Variants in SSBP2 observed in about 807,000 individuals in gnomAD.
SSBP2 encodes the protein single-stranded DNA-binding protein 2.
Under a neutral mutation model 61.8 loss-of-function variants are expected in SSBP2, and 17 were observed. That is an observed-to-expected ratio of 0.28 (90% CI 0.19 to 0.41). The LOEUF (loss-of-function observed/expected upper bound fraction) is 0.41, where lower values mean the gene tolerates loss of function less well. Among genes scored for constraint, SSBP2 ranks in the 10% least tolerant of loss-of-function variants. The probability of loss-of-function intolerance (pLI) is 1.00; values close to 1 mark genes in which losing one functional copy is unlikely to be tolerated. For synonymous variants in SSBP2, 139 were observed against 141.3 expected (o/e 0.98, Z 0.12); for missense variants, 310 against 458.7 (o/e 0.68, Z 2.96).
intron 1 of SSBP2, among the ~76,000 whole-genome samples, chr5:81,665,777 T>G (rs1394456265): frequency 2.0e-5 from 3 of 152,208 alleles, no homozygotes; most frequent in Non-Finnish European, 2.9e-5. Flanking sequence ...AGTGCTGGGA[T>G]TACAGGCGTG....
intron 4 of SSBP2, among the ~76,000 whole-genome samples, chr5:81,541,490 C>CAGAG (rs1417697382): frequency 2.0e-5 from 3 of 151,812 alleles, no homozygotes; most frequent in African/African-American, 7.3e-5. Flanking sequence ...AAAACAAAGC[C>CAGAG]AGAGACATCA....
chr5:81,525,967 T>C (rs1303066716), intron 4 of SSBP2, among the ~76,000 whole-genome samples: 4 of 152,036 alleles, frequency 2.6e-5, no homozygotes, highest in African/African-American at 9.7e-5. Context: ...TTTGCATCAA[T>C]AGCATGAATC....
At chr5:81,676,632 G>A (rs1752007427) in intron 1 of SSBP2, among the ~76,000 whole-genome samples, 1 of 152,112 alleles carries the variant, frequency 6.6e-6, no homozygotes, top group Non-Finnish European at 1.5e-5. Flanking sequence ...CCTCCTTGAA[G>A]AGCCTAATCC....
chr5:81,697,000 T>G, intron 1 of SSBP2, among the ~76,000 whole-genome samples: 1 of 152,190 alleles, frequency 6.6e-6, no homozygotes, highest in Non-Finnish European at 1.5e-5. Flanking sequence ...CACACGTACC[T>G]GTCATCAGTT....
chr5:81,445,138 T>TTATATATATATATACATA (rs1763302678), intron 12 of SSBP2, among the ~76,000 whole-genome samples: 1 of 33,896 alleles, frequency 3.0e-5, no homozygotes, highest in Non-Finnish European at 5.3e-5. Context: ...AAAAAAAATT[T>TTATATATATATATACATA]TATATATATA....
intron 16 of SSBP2, among the ~76,000 whole-genome samples, chr5:81,423,563 T>G (rs1236015451): frequency 6.6e-6 from 1 of 151,962 alleles, no homozygotes; most frequent in Admixed American, 6.6e-5. Context: ...GCCAAGATGG[T>G]GAAACTCTGT....
chr5:81,725,112 T>C (rs554086562), intron 1 of SSBP2, among the ~76,000 whole-genome samples: 2 of 151,942 alleles, frequency 1.3e-5, no homozygotes, highest in South Asian at 2.1e-4. Flanking sequence ...ATAAAGACAA[T>C]GAAAGATAAA....
intron 4 of SSBP2, among the ~76,000 whole-genome samples, chr5:81,597,307 G>A (rs1355222852): frequency 1.3e-5 from 2 of 152,148 alleles, no homozygotes. Flanking sequence ...AAACCACAAT[G>A]AGATACCATC....
At chr5:81,513,848 C>A in intron 4 of SSBP2, 131 bp from the exon 5 acceptor site, 1 of 570,174 alleles carries the variant, frequency 1.8e-6, no homozygotes, top group Non-Finnish European at 3.1e-6. Context: ...TTTTCCCCAT[C>A]CTAGAAGTAA....
At position 81,674,299 on chromosome 5, in the gene SSBP2, C is replaced by T. The variant is rs553746700; in HGVS notation, c.63-23960G>A. Among the ~76,000 whole-genome samples, 3 of 152,270 alleles carry T rather than the reference C, an allele frequency of 2.0e-5. No homozygotes were observed. In the East Asian group the frequency reaches 5.8e-4, roughly 29 times the overall value. On this transcript the variant is annotated intron_variant, in intron 1 of 16. Coordinates refer to ENST00000320672, the MANE Select transcript of SSBP2 (RefSeq NM_012446.5). ...AAACCTAAGGCAACTGCTAGCACAA[C>T]CGCTACCACTCTCACCACATACCCC... is the stretch of plus-strand genomic sequence containing the variant.
chr5:81,709,985 T>G (rs1221797371), intron 1 of SSBP2, among the ~76,000 whole-genome samples: 1 of 152,062 alleles, frequency 6.6e-6, no homozygotes, highest in African/African-American at 2.4e-5. Flanking sequence ...AATATCTGAA[T>G]TTTTATACTT....
intron 4 of SSBP2, among the ~76,000 whole-genome samples, chr5:81,532,145 C>T (rs766786950): frequency 6.6e-6 from 1 of 151,860 alleles, no homozygotes. Flanking sequence ...GAAATGTACA[C>T]CTAAAAGGAA....
chr5:81,579,641 C>G (rs1462418313), intron 4 of SSBP2, among the ~76,000 whole-genome samples: 2 of 152,084 alleles, frequency 1.3e-5, no homozygotes, highest in African/African-American at 4.8e-5. Flanking sequence ...GTGAAAGCTA[C>G]GGTTTCTACT....
chr5:81,486,585 C>T (rs944566723), intron 6 of SSBP2, among the ~76,000 whole-genome samples: 1 of 152,080 alleles, frequency 6.6e-6, no homozygotes, highest in Non-Finnish European at 1.5e-5. Context: ...GTCTAAAAAA[C>T]CATGAAGCCT....
In SSBP2 at chr5:81,702,525, AAAATAC is replaced by A. The variant is rs1211600608; in HGVS notation, c.62+48450_62+48455del. ...ATGGAAGCTCCAAAATAGGCATCGG[AAAATAC>A]AAAGTATATGAAACACAATGCCATA... On this transcript the variant is annotated intron_variant, in intron 1 of 16. Coordinates refer to ENST00000320672, the MANE Select transcript of SSBP2 (RefSeq NM_012446.5). 2.6e-5 allele frequency among the ~76,000 whole-genome samples: 4 copies of A among 152,252 alleles called. No individual in the cohort carries two copies. The East Asian group carries it at 7.7e-4, about 29-fold the overall frequency.
At chr5:81,477,897 A>G (rs1486506801) in intron 6 of SSBP2, among the ~76,000 whole-genome samples, 1 of 152,198 alleles carries the variant, frequency 6.6e-6, no homozygotes, top group African/African-American at 2.4e-5. Context: ...ACAGAGTTCA[A>G]AGAATGAGAA....
intron 5 of SSBP2, 44 bp from the exon 6 acceptor site, chr5:81,489,353 C>T (rs1766684062): frequency 1.5e-5 from 23 of 1,502,608 alleles, no homozygotes; most frequent in Non-Finnish European, 2.1e-5. Context: ...AAAAACAGTA[C>T]AATGTAAAAT....
intron 10 of SSBP2, among the ~76,000 whole-genome samples, chr5:81,458,486 G>C (rs1764318899): frequency 1.3e-5 from 2 of 152,218 alleles, no homozygotes; most frequent in Admixed American, 6.5e-5. Context: ...TGGGTGAAGG[G>C]TGTATGGAAA....
intron 10 of SSBP2, among the ~76,000 whole-genome samples, chr5:81,452,750 T>G: frequency 6.6e-6 from 1 of 152,044 alleles, no homozygotes; most frequent in Admixed American, 6.5e-5. Flanking sequence ...AATGTCTGAT[T>G]ATAGGATTTG....
Sources: gnomAD v4.1 joint callset for allele counts (sites outside exome capture counted in the v4.1 genomes callset) on GRCh38, gnomAD v4.1.1 for gene constraint, MANE v1.5 for transcripts, NCBI Gene and HGNC (gene_info 2026-07-23, HGNC 2026-07-21) for gene names.